The following CSMD1 variants were observed in gnomAD, a reference collection of about 807,000 sequenced individuals.
CSMD1 encodes CUB and sushi domain-containing protein 1.
A neutral mutation model predicts 417.5 loss-of-function variants in CSMD1; 213 were observed. The ratio of observed to expected loss-of-function variants is 0.51; its 90% confidence interval spans 0.46 to 0.57. CSMD1 has a LOEUF of 0.57. Among genes scored for constraint, CSMD1 ranks in the 20% least tolerant of loss-of-function variants. CSMD1 has a pLI of 0.00. For synonymous variants in CSMD1, 2,862 were observed against 1,736.8 expected (o/e 1.65, Z -16.11); for missense variants, 6,923 against 4,529.7 (o/e 1.53, Z -15.17).
intron 3 of CSMD1, among the ~76,000 whole-genome samples, chr8:4,269,617 A>G (rs1157261882): frequency 6.6e-6 from 1 of 152,092 alleles, no homozygotes; most frequent in Non-Finnish European, 1.5e-5. Flanking sequence ...CTCATTTTTT[A>G]TACGTATATT....
At chr8:4,187,124 C>G (rs1798726673) in intron 3 of CSMD1, among the ~76,000 whole-genome samples, 1 of 147,906 alleles carries the variant, frequency 6.8e-6, no homozygotes, top group Non-Finnish European at 1.5e-5. Context: ...CACCAAGTCT[C>G]CACTCTGTTA....
At chr8:3,658,682 C>T (rs1038047943) in intron 7 of CSMD1, among the ~76,000 whole-genome samples, 4 of 151,942 alleles carry the variant, frequency 2.6e-5, no homozygotes, top group Non-Finnish European at 2.9e-5. Flanking sequence ...ACTCAGGAGG[C>T]TGAGGCAGGG....
intron 5 of CSMD1, among the ~76,000 whole-genome samples, chr8:3,926,105 AC>A (rs1563218331): frequency 1.2e-4 from 8 of 64,318 alleles, no homozygotes; most frequent in Admixed American, 2.2e-4. Context: ...ACACACACAC[AC>A]ACACACACAC....
chr8:3,983,617 C>T lies in CSMD1; in HGVS notation c.818+14286G>A, dbSNP rs183258509. ...TTTTTCATAAACCCCATTTATCAAA[C>T]TGTATTTTTCAAACCATAGCCCACG... On this transcript the variant is annotated intron_variant, in intron 5 of 69. Transcript: ENST00000635120. 3.5e-3 allele frequency among the ~76,000 whole-genome samples: 528 copies of T among 152,284 alleles called. 1 individual carries two copies. Among genetic ancestry groups the T allele is most frequent in the African/African-American group, 0.011 (472 of 41,562 alleles).
intron 1 of CSMD1, among the ~76,000 whole-genome samples, chr8:4,976,542 A>G (rs1810571564): frequency 6.6e-6 from 1 of 152,206 alleles, no homozygotes; most frequent in East Asian, 1.9e-4. Flanking sequence ...CAATACTTAC[A>G]AAATTATTGG....
intron 5 of CSMD1, among the ~76,000 whole-genome samples, chr8:3,980,861 A>G (rs1813807385): frequency 6.6e-6 from 1 of 152,184 alleles, no homozygotes; most frequent in African/African-American, 2.4e-5. Context: ...AATCCTTTCA[A>G]GTTGGGAATG....
Position 2,975,258 on chromosome 8 carries a change from T to C in CSMD1, c.8567-634A>G, listed in dbSNP as rs143029529. Among the ~76,000 whole-genome samples, 1,306 of 152,270 alleles carry C rather than the reference T, an allele frequency of 8.6e-3. 14 individuals are homozygous for C. Among genetic ancestry groups the C allele is most frequent in the African/African-American group, 0.03 (1,227 of 41,546 alleles). ...AAATTATACCAAATCAGGCCTAAAC[T>C]CTATTTATAAATATCCTTCAAAAAG... On this transcript the variant is annotated intron_variant, in intron 55 of 69. Coordinates refer to ENST00000635120, the MANE Select transcript of CSMD1 (RefSeq NM_033225.6).
At chr8:3,659,623 G>A (rs371122026) in intron 7 of CSMD1, among the ~76,000 whole-genome samples, 1 of 152,166 alleles carries the variant, frequency 6.6e-6, no homozygotes, top group African/African-American at 2.4e-5. Flanking sequence ...CACTAGAGGA[G>A]AAGGGTAGTG....
intron 26 of CSMD1, among the ~76,000 whole-genome samples, chr8:3,282,259 G>T (rs1165285927): frequency 1.3e-5 from 2 of 152,086 alleles, no homozygotes; most frequent in Non-Finnish European, 2.9e-5. Context: ...GCAACAAATG[G>T]ACCACTCTGT....
chr8:4,369,206 C>T (rs1433067278), intron 3 of CSMD1, among the ~76,000 whole-genome samples: 1 of 152,058 alleles, frequency 6.6e-6, no homozygotes, highest in Admixed American at 6.6e-5. Context: ...CATTCTTTAC[C>T]TAAAAGTCAT....
chr8:4,550,245 T>G (rs950807349), intron 2 of CSMD1, among the ~76,000 whole-genome samples: 2 of 151,824 alleles, frequency 1.3e-5, no homozygotes, highest in Non-Finnish European at 2.9e-5. Context: ...TCACTTTTGC[T>G]TCTCATTTCC....
intron 4 of CSMD1, among the ~76,000 whole-genome samples, chr8:4,006,865 T>C (rs1263200881): frequency 7.0e-6 from 1 of 142,742 alleles, no homozygotes; most frequent in African/African-American, 2.7e-5. Context: ...ACTCACTCTG[T>C]TGCCCAGGCT....
At chr8:4,478,353 C>A (rs1003055942) in intron 2 of CSMD1, among the ~76,000 whole-genome samples, 1 of 152,122 alleles carries the variant, frequency 6.6e-6, no homozygotes, top group Non-Finnish European at 1.5e-5. Context: ...ATCTTCTAAG[C>A]TCTGGGAAAT....
intron 11 of CSMD1, among the ~76,000 whole-genome samples, chr8:3,483,208 A>G (rs1281284818): frequency 6.6e-6 from 1 of 152,102 alleles, no homozygotes; most frequent in African/African-American, 2.4e-5. Context: ...ATAATTGATG[A>G]AGCTATAAGA....
chr8:3,997,844 G>T, intron 5 of CSMD1, 59 bp downstream of exon 5: 2 of 1,420,888 alleles, frequency 1.4e-6, no homozygotes, highest in Non-Finnish European at 1.9e-6. Flanking sequence ...AAGCTCGTTG[G>T]GGGAAAAAAC....
chr8:4,389,877 TAACA>T (rs923972570), intron 3 of CSMD1, among the ~76,000 whole-genome samples: 37 of 152,310 alleles, frequency 2.4e-4, no homozygotes, highest in African/African-American at 8.7e-4. Context: ...CCCGCCCTAC[TAACA>T]AACATGTGGG....
intron 8 of CSMD1, among the ~76,000 whole-genome samples, chr8:3,594,751 G>T (rs1212784021): frequency 6.6e-6 from 1 of 152,104 alleles, no homozygotes; most frequent in African/African-American, 2.4e-5. Context: ...CAGAAGTATG[G>T]AAGAGTGGGA....
At chr8:4,359,518 C>G (rs1801628176) in intron 3 of CSMD1, among the ~76,000 whole-genome samples, 1 of 152,182 alleles carries the variant, frequency 6.6e-6, no homozygotes, top group Non-Finnish European at 1.5e-5. Flanking sequence ...CCCAACCTTG[C>G]AAATAGAGAT....
intron 7 of CSMD1, among the ~76,000 whole-genome samples, chr8:3,665,505 G>C (rs1323243515): frequency 6.6e-6 from 1 of 152,044 alleles, no homozygotes; most frequent in Admixed American, 6.6e-5. Context: ...CTCCAGCCTG[G>C]GCGACAGAGC....
Sources: gnomAD v4.1 joint callset for allele counts (sites outside exome capture counted in the v4.1 genomes callset) on GRCh38, gnomAD v4.1.1 for gene constraint, MANE v1.5 for transcripts, NCBI Gene and HGNC (gene_info 2026-07-23, HGNC 2026-07-21) for gene names.